ZNF516: variants seen among roughly 807,000 people sequenced by gnomAD.
ZNF516 encodes the protein zinc finger protein 516.
Under a neutral mutation model 79.7 loss-of-function variants are expected in ZNF516, and 19 were observed. The ratio of observed to expected loss-of-function variants is 0.24; its 90% CI spans 0.17 to 0.35. The LOEUF (loss-of-function observed/expected upper bound fraction) is 0.35, where lower values mean the gene tolerates loss of function less well. ZNF516 is among the 10% of genes least tolerant of loss of function. ZNF516 has a pLI of 1.00. For missense variants in ZNF516, 1,678 were observed against 1,679.5 expected (o/e 1.00, Z 0.02); for synonymous variants, 877 against 739.5 (o/e 1.19, Z -3.02).
At chr18:76,364,960 G>A (rs1455783036) in intron 6 of ZNF516, among the ~76,000 whole-genome samples, 1 of 152,200 alleles carries the variant, frequency 6.6e-6, no homozygotes, top group Non-Finnish European at 1.5e-5. Context: ...TAAGATGCTT[G>A]TTTGGTTTAA....
rs78116168 is a variant in ZNF516, at chr18:76,477,015, T to C, written c.-271-13874A>G. Among the ~76,000 whole-genome samples the C allele has an allele frequency of 7.3e-3, 1,115 of 152,296 alleles. 15 individuals carry two copies. Among genetic ancestry groups the C allele is most frequent in the African/African-American group, 0.025 (1,032 of 41,550 alleles). On this transcript the variant is annotated intron_variant, in intron 1 of 6. Coordinates refer to ENST00000443185, the MANE Select transcript of ZNF516 (RefSeq NM_014643.4). ...CAAACAGTCGTCCTAAAAGTAAAGG[T>C]CTACATTTTCCCTTTATGCAGAAAT...
chr18:76,484,409 G>A (rs991521324), intron 1 of ZNF516, among the ~76,000 whole-genome samples: 3 of 152,022 alleles, frequency 2.0e-5, no homozygotes, highest in Non-Finnish European at 2.9e-5. Flanking sequence ...AAACAATCAC[G>A]AAAGCAAATG....
chr18:76,430,924 T>C (rs1220634435), intron 3 of ZNF516, among the ~76,000 whole-genome samples: 4 of 152,206 alleles, frequency 2.6e-5, no homozygotes, highest in Admixed American at 1.3e-4. Flanking sequence ...CTCCTGTAAA[T>C]GGATATCGCT....
Position 76,361,162 on chromosome 18 carries a change from A to G in ZNF516, c.*1336T>C, listed in dbSNP as rs1599120430. The stretch of plus-strand genomic sequence containing the variant: ...ACAGAACATTTTCATTCAAGGCAGC[A>G]GTAACTTTTGATAATGCATAAAATC... On this transcript the variant is annotated 3_prime_UTR_variant, in exon 7 of 7. Coordinates refer to ENST00000443185, the MANE Select transcript of ZNF516 (RefSeq NM_014643.4). 2 of 152,342 alleles carry G rather than the reference A, an allele frequency of 1.3e-5. No individual in the cohort carries two copies. Among genetic ancestry groups the G allele is most frequent in the African/African-American group, 4.8e-5 (2 of 41,574 alleles). The allele number at this position is 152,342 out of a possible 1,614,324, so 9.4% of individuals were successfully genotyped here. A position where few individuals can be genotyped will look rare whatever the true frequency, so the allele number is the denominator to read the frequency against.
At chr18:76,426,500 T>C (rs2075594245) in intron 3 of ZNF516, among the ~76,000 whole-genome samples, 1 of 152,170 alleles carries the variant, frequency 6.6e-6, no homozygotes, top group South Asian at 2.1e-4. Context: ...AGTGTAAGTA[T>C]ATCCCAAATA....
intron 4 of ZNF516, among the ~76,000 whole-genome samples, chr18:76,374,555 A>G (rs556388391): frequency 3.9e-5 from 6 of 152,310 alleles, no homozygotes; most frequent in African/African-American, 1.4e-4. Context: ...CCGTTTCCTA[A>G]CTTCTGAATA....
rs141722095 is a variant in ZNF516, at chr18:76,476,258, A to G, written c.-271-13117T>C. On this transcript the variant is annotated intron_variant, in intron 1 of 6. Coordinates refer to ENST00000443185, the MANE Select transcript of ZNF516 (RefSeq NM_014643.4). ...TCATCTCCTTTTATAGTATGAAAAGAAAGGTGCTAAATGTTCACACCATTT... is the reference window on the plus strand; with the variant it reads ...TCATCTCCTTTTATAGTATGAAAAGGAAGGTGCTAAATGTTCACACCATTT... 3.9e-5 allele frequency among the ~76,000 whole-genome samples: 6 copies of G among 152,356 alleles called. No individual in the cohort carries two copies. In the East Asian group the frequency reaches 1.2e-3, roughly 29 times the overall value.
Position 76,406,350 on chromosome 18 carries a change from G to GATCA in ZNF516, c.1811-26051_1811-26048dup, listed in dbSNP as rs527638210. Among the ~76,000 whole-genome samples the GATCA allele has an allele frequency of 2.6e-3, 400 of 152,318 alleles. 1 individual carries two copies. The highest frequency in any genetic ancestry group is 8.9e-3 in the African/African-American group (369 of 41,572). On this transcript the variant is annotated intron_variant, in intron 3 of 6. Coordinates refer to ENST00000443185, the MANE Select transcript of ZNF516 (RefSeq NM_014643.4). ...GGAGGCCGAGACAGGAGGATCACGAGATCAGGAGTTCAAGACCAGCCTGAC... is the reference window on the plus strand; with the variant it reads ...GGAGGCCGAGACAGGAGGATCACGAGATCAATCAGGAGTTCAAGACCAGCCTGAC...
At chr18:76,421,483 C>T (rs911742322) in intron 3 of ZNF516, among the ~76,000 whole-genome samples, 5 of 152,164 alleles carry the variant, frequency 3.3e-5, no homozygotes, top group African/African-American at 9.7e-5. Flanking sequence ...AAGCAGAGCC[C>T]GGGCTGAGCC....
intron 1 of ZNF516, among the ~76,000 whole-genome samples, chr18:76,463,394 G>GC (rs976188739): frequency 4.6e-4 from 70 of 152,322 alleles, no homozygotes; most frequent in African/African-American, 1.7e-3. Context: ...CAGCACAAAC[G>GC]CAGCAGCGAA....
intron 6 of ZNF516, among the ~76,000 whole-genome samples, chr18:76,362,807 G>A (rs568165028): frequency 1.5e-4 from 23 of 152,262 alleles, no homozygotes; most frequent in African/African-American, 5.3e-4. Flanking sequence ...CATTTCCAGT[G>A]TGATTTAGAA....
chr18:76,383,035 C>CAA lies in ZNF516; in HGVS notation c.1811-2734_1811-2733dup, dbSNP rs772423972. Reference sequence around the variant, plus strand: ...TGGGCAACAGAGCAAGACTCTGTCTCAAAAAAAAAAAAAAAAAAAAAAAAG... The same window carrying CAA: ...TGGGCAACAGAGCAAGACTCTGTCTCAAAAAAAAAAAAAAAAAAAAAAAAAAG... On this transcript the variant is annotated intron_variant, in intron 3 of 6. Transcript: ENST00000443185. 9.5e-3 allele frequency among the ~76,000 whole-genome samples: 465 copies of CAA among 49,134 alleles called. 11 individuals are homozygous for CAA. The highest frequency in any genetic ancestry group is 0.021 in the East Asian group (36 of 1,720). 32.2% of individuals were successfully genotyped at this position (49,134 alleles called of 152,430 possible).
chr18:76,485,009 G>A (rs1018460702), intron 1 of ZNF516, among the ~76,000 whole-genome samples: 3 of 151,716 alleles, frequency 2.0e-5, no homozygotes, highest in Non-Finnish European at 2.9e-5. Context: ...CGTTGCTACG[G>A]CAAGCACTTT....
chr18:76,454,273 C>T (rs896415207), intron 2 of ZNF516, among the ~76,000 whole-genome samples: 5 of 152,182 alleles, frequency 3.3e-5, no homozygotes, highest in African/African-American at 1.2e-4. Flanking sequence ...TAAGCAATTG[C>T]TTACGCATTT....
At chr18:76,432,537 T>TC (rs1270705355) in intron 3 of ZNF516, among the ~76,000 whole-genome samples, 2 of 152,244 alleles carry the variant, frequency 1.3e-5, no homozygotes, top group African/African-American at 4.8e-5. Context: ...AGCTCACTCT[T>TC]CCGTGTCACC....
At chr18:76,431,230 G>T (rs535961615) in intron 3 of ZNF516, among the ~76,000 whole-genome samples, 1 of 151,706 alleles carries the variant, frequency 6.6e-6, no homozygotes, top group East Asian at 1.9e-4. Flanking sequence ...GAAAAATTAC[G>T]AACTTGTGCC....
intron 3 of ZNF516, among the ~76,000 whole-genome samples, chr18:76,431,744 C>T (rs1181017076): frequency 2.0e-5 from 3 of 152,220 alleles, no homozygotes; most frequent in Admixed American, 1.3e-4. Flanking sequence ...CTTGATCTTC[C>T]ACCATGATCC....
At chr18:76,469,566 GACTC>G (rs1399675816) in intron 1 of ZNF516, among the ~76,000 whole-genome samples, 1 of 152,098 alleles carries the variant, frequency 6.6e-6, no homozygotes, top group African/African-American at 2.4e-5. Flanking sequence ...TAAGGGAGGA[GACTC>G]ACTTTTTAGA....
At chr18:76,428,204 A>G (rs1044597318) in intron 3 of ZNF516, among the ~76,000 whole-genome samples, 2 of 152,024 alleles carry the variant, frequency 1.3e-5, no homozygotes, top group African/African-American at 4.8e-5. Context: ...TGGTCAACAC[A>G]GTGAAACCCT....
Sources: allele counts gnomAD v4.1 joint callset (sites outside exome capture counted in the v4.1 genomes callset), GRCh38; gene constraint gnomAD v4.1.1; transcripts MANE v1.5; gene names NCBI Gene and HGNC (gene_info 2026-07-23, HGNC 2026-07-21).